The following RAB3B variants were observed in gnomAD, a reference collection of about 807,000 sequenced individuals.
The protein encoded by RAB3B is ras-related protein Rab-3B.
In RAB3B, 11 loss-of-function variants were observed where a neutral mutation model predicts 20.5. The ratio of observed to expected loss-of-function variants is 0.54; its 90% confidence interval spans 0.34 to 0.89. RAB3B has a LOEUF of 0.89. Ranked by LOEUF, RAB3B falls within the 40% of genes least tolerant of loss-of-function variation. RAB3B has a pLI of 0.02. For missense variants in RAB3B, 225 were observed against 280.9 expected, an observed-to-expected ratio of 0.80 and a Z score of 1.42; for synonymous variants, 99 against 106.3, an observed-to-expected ratio of 0.93 and a Z score of 0.42.
chr1:51,939,566 G>T (rs1165979090), intron 2 of RAB3B, among the ~76,000 whole-genome samples: 3 of 152,084 alleles, frequency 2.0e-5, no homozygotes, highest in Non-Finnish European at 4.4e-5. Context: ...AGGACTACAG[G>T]CGCTCGCCAG....
At chr1:51,974,428 T>G (rs190992841) in intron 2 of RAB3B, among the ~76,000 whole-genome samples, 13 of 152,168 alleles carry the variant, frequency 8.5e-5, no homozygotes, top group Non-Finnish European at 1.5e-4. Flanking sequence ...GCCTGAAAAT[T>G]TGCATTTCTA....
Position 51,923,794 on chromosome 1 carries a change from G to C in RAB3B, c.473-3680C>G, listed in dbSNP as rs556847889. On this transcript the variant is annotated intron_variant, in intron 4 of 4. Coordinates refer to ENST00000371655, the MANE Select transcript of RAB3B (RefSeq NM_002867.4). The stretch of plus-strand genomic sequence containing the variant: ...TCAAGCCTGGAATCCCAGTACTTTG[G>C]GGGTGCCAAGGCAGGAAGGTTGCTT... Among the ~76,000 whole-genome samples the C allele has an allele frequency of 6.6e-5, 10 of 152,008 alleles. No individual in the cohort carries two copies. The South Asian group carries it at 2.1e-3, about 32-fold the overall frequency.
intron 1 of RAB3B, among the ~76,000 whole-genome samples, chr1:51,985,807 A>T (rs1360491037): frequency 6.6e-6 from 1 of 152,020 alleles, no homozygotes; most frequent in Non-Finnish European, 1.5e-5. Context: ...CAAGAGTAAA[A>T]AATTGTTTCA....
rs1359881576 is a variant in RAB3B, at chr1:51,917,268, T to C, written c.*2659A>G. On this transcript the variant is annotated 3_prime_UTR_variant, in exon 5 of 5. Coordinates refer to ENST00000371655, the MANE Select transcript of RAB3B (RefSeq NM_002867.4). ...CGAGACAACTCTTGGATGCCAATCC[T>C]GATCTCTCAGGTTTGTTTGGTGGAT... 1 of 152,194 alleles carries C rather than the reference T, an allele frequency of 6.6e-6. No individual in the cohort carries two copies. The highest frequency in any genetic ancestry group is 1.5e-5 in the Non-Finnish European group (1 of 68,048). The allele number at this position is 152,194 out of a possible 1,614,324, so 9.4% of individuals were successfully genotyped here.
At chr1:51,981,278 G>A (rs143789631) in intron 1 of RAB3B, among the ~76,000 whole-genome samples, 109 of 152,220 alleles carry the variant, frequency 7.2e-4, no homozygotes, top group African/African-American at 2.6e-3. Context: ...TCTGCCCTCC[G>A]TGGCCTCCCA....
chr1:51,948,585 G>T (rs1684593749), intron 2 of RAB3B, among the ~76,000 whole-genome samples: 1 of 152,120 alleles, frequency 6.6e-6, no homozygotes, highest in African/African-American at 2.4e-5. Flanking sequence ...AACATGTATT[G>T]GGTGGGGGTT....
intron 2 of RAB3B, among the ~76,000 whole-genome samples, chr1:51,965,850 T>A (rs1259854944): frequency 6.6e-6 from 1 of 152,194 alleles, no homozygotes; most frequent in Admixed American, 6.5e-5. Flanking sequence ...AAATGTATCA[T>A]GGTTATATAA....
chr1:51,972,178 GA>G (rs1162117368), intron 2 of RAB3B, among the ~76,000 whole-genome samples: 1 of 151,230 alleles, frequency 6.6e-6, no homozygotes, highest in Admixed American at 6.6e-5. Flanking sequence ...CTATCTCAAA[GA>G]AAAAAAAGCA....
chr1:51,950,740 C>G (rs527978472), intron 2 of RAB3B, among the ~76,000 whole-genome samples: 4 of 152,302 alleles, frequency 2.6e-5, no homozygotes, highest in African/African-American at 9.6e-5. Flanking sequence ...GTCTTCAATC[C>G]AGGCAAGATT....
chr1:51,986,039 G>T (rs1326296034), intron 1 of RAB3B, among the ~76,000 whole-genome samples: 1 of 152,090 alleles, frequency 6.6e-6, no homozygotes, highest in Non-Finnish European at 1.5e-5. Context: ...GGGCATGGTG[G>T]CTCATGCCTG....
At chr1:51,987,216 C>T (rs922786085) in intron 1 of RAB3B, among the ~76,000 whole-genome samples, 2 of 152,012 alleles carry the variant, frequency 1.3e-5, no homozygotes, top group South Asian at 2.1e-4. Context: ...TAAAATCCAG[C>T]GAGAAGAGAT....
intron 1 of RAB3B, among the ~76,000 whole-genome samples, chr1:51,985,792 G>A (rs1382183190): frequency 6.6e-6 from 1 of 151,554 alleles, no homozygotes; most frequent in Non-Finnish European, 1.5e-5. Flanking sequence ...ACTAGGAAGT[G>A]ATGGCAAGAG....
chr1:51,936,071 C>T (rs1357855882), intron 3 of RAB3B, among the ~76,000 whole-genome samples: 2 of 152,110 alleles, frequency 1.3e-5, no homozygotes, highest in South Asian at 2.1e-4. Context: ...GCGAAGTCCT[C>T]GAAGGTCACC....
intron 2 of RAB3B, among the ~76,000 whole-genome samples, chr1:51,941,097 A>C (rs1004931495): frequency 6.6e-6 from 1 of 152,074 alleles, no homozygotes; most frequent in African/African-American, 2.4e-5. Context: ...CATCACATGA[A>C]AGTGTGCTTA....
chr1:51,982,892 G>T (rs1047692686), intron 1 of RAB3B, among the ~76,000 whole-genome samples: 9 of 152,124 alleles, frequency 5.9e-5, no homozygotes, highest in African/African-American at 2.2e-4. Context: ...TAAATTTAGT[G>T]TAGCCTAAGT....
chr1:51,972,042 G>A (rs968870002), intron 2 of RAB3B, among the ~76,000 whole-genome samples: 8 of 152,260 alleles, frequency 5.3e-5, no homozygotes, highest in South Asian at 2.1e-4. Flanking sequence ...TTAGCCAGGC[G>A]TGGTGGTGTA....
At chr1:51,933,665 G>A (rs1430141511) in intron 3 of RAB3B, among the ~76,000 whole-genome samples, 3 of 152,100 alleles carry the variant, frequency 2.0e-5, no homozygotes, top group Non-Finnish European at 4.4e-5. Flanking sequence ...GCCATGGGAG[G>A]ATACAACAAG....
chr1:51,971,551 C>A (rs769472534), intron 2 of RAB3B, among the ~76,000 whole-genome samples: 49 of 151,734 alleles, frequency 3.2e-4, no homozygotes, highest in Non-Finnish European at 4.1e-4. Flanking sequence ...TACTGCATCA[C>A]CCTCCTGAGT....
rs779759853 is a variant in RAB3B, at chr1:51,976,895, T to G, written c.223A>C (p.Ile75Leu). The part of the protein sequence containing the change: ...YRHEKRVKLQ[I>L]WDTAGQERYR... Reference sequence around the variant, plus strand: ...CCAAGATTCCCGGGACTCACCCAGATCTGCAGTTTCACCCGCTTCTCGTGA... The same window carrying G: ...CCAAGATTCCCGGGACTCACCCAGAGCTGCAGTTTCACCCGCTTCTCGTGA... Residue 75 changes from isoleucine to leucine, a missense_variant, in exon 2 of 5, where the codon ATC (isoleucine) becomes CTC (leucine). Transcript: ENST00000371655. 6.2e-7 allele frequency: 1 copy of G among 1,613,734 alleles called. No homozygotes were observed. The highest frequency in any genetic ancestry group is 2.2e-5 in the East Asian group (1 of 44,876).
Sources: gnomAD v4.1 joint callset for allele counts (sites outside exome capture counted in the v4.1 genomes callset) on GRCh38, gnomAD v4.1.1 for gene constraint, MANE v1.5 for transcripts, NCBI Gene and HGNC (gene_info 2026-07-23, HGNC 2026-07-21) for gene names.